The following FBXW8 variants were observed in gnomAD, a reference collection of about 807,000 sequenced individuals.
FBXW8 encodes the protein F-box/WD repeat-containing protein 8.
Under a neutral mutation model 65.3 loss-of-function variants are expected in FBXW8, and 57 were observed. The observed-to-expected ratio is 0.87, with a 90% CI of 0.71 to 1.09. The LOEUF (loss-of-function observed/expected upper bound fraction) is 1.09, where lower values mean the gene tolerates loss of function less well. Ranked by LOEUF, FBXW8 falls within the 50% of genes least tolerant of loss-of-function variation. FBXW8 has a pLI of 0.00. For missense variants in FBXW8, 777 were observed against 814.8 expected, an observed-to-expected ratio of 0.95 and a Z score of 0.57; for synonymous variants, 308 against 330.2, an observed-to-expected ratio of 0.93 and a Z score of 0.73.
At chr12:116,942,770 A>ATTTTTTTTTTTT (rs71099022) in intron 2 of FBXW8, among the ~76,000 whole-genome samples, 2 of 64,358 alleles carry the variant, frequency 3.1e-5, no homozygotes, top group African/African-American at 1.3e-4. Context: ...CAGAGCTTCT[A>ATTTTTTTTTTTT]TTTTTTTTTT....
intron 4 of FBXW8, among the ~76,000 whole-genome samples, chr12:116,960,597 A>T (rs1333124562): frequency 3.3e-5 from 5 of 152,204 alleles, no homozygotes; most frequent in Non-Finnish European, 4.4e-5. Flanking sequence ...AAGCAGTCTA[A>T]TGCACATCAG....
At chr12:116,921,297 A>T (rs1172724737) in intron 1 of FBXW8, among the ~76,000 whole-genome samples, 1 of 152,266 alleles carries the variant, frequency 6.6e-6, no homozygotes, top group Non-Finnish European at 1.5e-5. Context: ...ATCAACAAAC[A>T]TTTATTGAAT....
chr12:116,963,219 C>G (rs780037688), intron 4 of FBXW8, among the ~76,000 whole-genome samples: 7 of 152,170 alleles, frequency 4.6e-5, no homozygotes, highest in Non-Finnish European at 1.0e-4. Flanking sequence ...GGCCTTTGGA[C>G]TGTGCAATAT....
At chr12:117,005,876 A>G (rs922944075) in intron 7 of FBXW8, among the ~76,000 whole-genome samples, 1 of 152,226 alleles carries the variant, frequency 6.6e-6, no homozygotes, top group African/African-American at 2.4e-5. Context: ...GGTAGATGGT[A>G]TCATCTTCAG....
rs1882183120 is a variant in FBXW8, at chr12:116,936,680, T to C, written c.423+8553T>C. Among the ~76,000 whole-genome samples, 1 of 152,192 alleles carries C rather than the reference T, an allele frequency of 6.6e-6. No individual in the cohort carries two copies. The highest frequency in any genetic ancestry group is 2.4e-5 in the African/African-American group (1 of 41,448). ...CCCTGCCCACACCTTGCTTTTACAC[T>C]TCTGGTCTCCGGAACTATAAGCGAA... On this transcript the variant is annotated intron_variant, in intron 2 of 10. Coordinates refer to ENST00000652555, the MANE Select transcript of FBXW8 (RefSeq NM_153348.3). This position sits in a 1 kb window ranked among gnomAD's most constrained non-coding sequence, Gnocchi z 4.6.
chr12:116,937,285 A>G (rs893185550), intron 2 of FBXW8, among the ~76,000 whole-genome samples: 1 of 152,170 alleles, frequency 6.6e-6, no homozygotes, highest in African/African-American at 2.4e-5. Context: ...GAAGATGGAA[A>G]TTTGGAAGCT....
At chr12:116,947,994 C>T (rs1293354606) in intron 3 of FBXW8, among the ~76,000 whole-genome samples, 5 of 152,118 alleles carry the variant, frequency 3.3e-5, no homozygotes, top group Non-Finnish European at 7.4e-5. Flanking sequence ...CTGTGCTGTG[C>T]GTGCTCGACT....
chr12:117,008,265 G>T (rs979030045), intron 7 of FBXW8, among the ~76,000 whole-genome samples: 2 of 152,218 alleles, frequency 1.3e-5, no homozygotes, highest in African/African-American at 4.8e-5. Flanking sequence ...ACACTTGAAA[G>T]TGGATGCAGA....
At chr12:116,986,464 T>G (rs191455403) in intron 6 of FBXW8, 1 of 152,170 alleles carries the variant, frequency 6.6e-6, no homozygotes, top group East Asian at 1.9e-4. Context: ...ACGTCTCTAC[T>G]AAAAATACAA....
intron 9 of FBXW8, 90 bp downstream of exon 9, chr12:117,024,410 C>T (rs1954177929): frequency 2.7e-6 from 4 of 1,459,764 alleles, no homozygotes; most frequent in Middle Eastern, 1.9e-4. Flanking sequence ...GTGCTAAATG[C>T]CCCCTACCCC....
At chr12:116,962,449 C>T (rs1021682303) in intron 4 of FBXW8, among the ~76,000 whole-genome samples, 1 of 152,216 alleles carries the variant, frequency 6.6e-6, no homozygotes, top group Non-Finnish European at 1.5e-5. Context: ...CCTAAACCGT[C>T]TTTCCTCTCC....
intron 3 of FBXW8, chr12:116,949,358 C>T (rs902756766): frequency 2.1e-6 from 1 of 486,866 alleles, no homozygotes; most frequent in African/African-American, 1.9e-5. Flanking sequence ...ATTCTGTAAC[C>T]TCCTGGAGGA....
intron 1 of FBXW8, among the ~76,000 whole-genome samples, chr12:116,922,788 A>G (rs1881001633): frequency 6.6e-6 from 1 of 151,300 alleles, no homozygotes. Context: ...AAGTAATATG[A>G]CCCCTTTGAG....
intron 8 of FBXW8, among the ~76,000 whole-genome samples, chr12:117,015,515 C>T (rs1953931100): frequency 6.6e-6 from 1 of 152,146 alleles, no homozygotes; most frequent in South Asian, 2.1e-4. Context: ...GTGATCTGCT[C>T]ATTTTCACCG....
chr12:116,949,553 A>G (rs2137355607), intron 3 of FBXW8, 65 bp from the exon 4 acceptor site: 1 of 1,451,918 alleles, frequency 6.9e-7, no homozygotes, highest in Non-Finnish European at 9.7e-7. Flanking sequence ...GTGAAAAAGC[A>G]CGATGCTTGG....
intron 2 of FBXW8, among the ~76,000 whole-genome samples, chr12:116,932,689 A>G (rs556565103): frequency 6.6e-5 from 10 of 152,276 alleles, no homozygotes; most frequent in African/African-American, 2.4e-4. Flanking sequence ...GTGCGCCACC[A>G]TGCCCAGCTA....
chr12:117,023,525 T>TA (rs1004811713), intron 8 of FBXW8, among the ~76,000 whole-genome samples: 2 of 152,190 alleles, frequency 1.3e-5, no homozygotes, highest in Admixed American at 1.3e-4. Context: ...AAGTAGTTTT[T>TA]AAAGAGGTTC....
At position 117,024,459 on chromosome 12, in the gene FBXW8, G is replaced by A; in HGVS notation, c.1541+139G>A. ...GTGAATCCTTACTGTGACCCTAGGA[G>A]CCAGCTGCTGTCCCAGCACCGCTCT... On this transcript the variant is annotated intron_variant, in intron 9 of 10. Coordinates refer to ENST00000652555, the MANE Select transcript of FBXW8 (RefSeq NM_153348.3). 6 of 938,992 alleles carry A rather than the reference G, an allele frequency of 6.4e-6. No homozygotes were observed. In the South Asian group the frequency reaches 9.8e-5, roughly 15 times the overall value. The allele number at this position is 938,992 out of a possible 1,614,324, so 58.2% of individuals were successfully genotyped here. A position where few individuals can be genotyped will look rare whatever the true frequency, so the allele number is the denominator to read the frequency against.
At chr12:116,957,377 C>T (rs1467016414) in intron 4 of FBXW8, among the ~76,000 whole-genome samples, 1 of 152,034 alleles carries the variant, frequency 6.6e-6, no homozygotes, top group Non-Finnish European at 1.5e-5. Flanking sequence ...ACCTTTTTAT[C>T]GACTGTATAC....
Sources: gnomAD v4.1 joint callset for allele counts (sites outside exome capture counted in the v4.1 genomes callset) on GRCh38, gnomAD v4.1.1 for gene constraint, Gnocchi (gnomAD v3.1) non-coding constraint, MANE v1.5 for transcripts, NCBI Gene and HGNC (gene_info 2026-07-23, HGNC 2026-07-21) for gene names.